The following MARCHF8 variants were observed in gnomAD, a reference collection of about 807,000 sequenced individuals.
MARCHF8 encodes membrane associated ring-CH-type finger 8.
Under a neutral mutation model 51.6 loss-of-function variants are expected in MARCHF8, and 40 were observed. The observed-to-expected ratio is 0.77, with a 90% CI of 0.60 to 1.01. The LOEUF is 1.01. Among genes scored for constraint, MARCHF8 ranks in the 50% least tolerant of loss-of-function variants. MARCHF8 has a pLI of 0.00. For missense variants in MARCHF8, 685 were observed against 708.6 expected (o/e 0.97, Z 0.38); for synonymous variants, 263 against 280.3 (o/e 0.94, Z 0.62).
At chr10:45,531,118 AAAAGTGCAGC>A (rs2043876575) in intron 2 of MARCHF8, among the ~76,000 whole-genome samples, 2 of 152,206 alleles carry the variant, frequency 1.3e-5, no homozygotes, top group African/African-American at 2.4e-5. Context: ...TTAAAAAATT[AAAAGTGCAGC>A]AGTGGACAAC....
intron 1 of MARCHF8, among the ~76,000 whole-genome samples, chr10:45,565,646 G>A (rs1225368201): frequency 7.3e-5 from 11 of 151,464 alleles, no homozygotes; most frequent in African/African-American, 2.4e-4. Flanking sequence ...AAAAAGAGTA[G>A]CAGGAAAAAA....
intron 1 of MARCHF8, among the ~76,000 whole-genome samples, chr10:45,569,173 CA>C (rs2133385993): frequency 6.7e-6 from 1 of 150,244 alleles, no homozygotes; most frequent in South Asian, 2.1e-4. Flanking sequence ...ATGGATTGAA[CA>C]AACCTGCCTT....
chr10:45,497,527 AAAC>A (rs1434761515), intron 2 of MARCHF8, among the ~76,000 whole-genome samples: 1 of 152,190 alleles, frequency 6.6e-6, no homozygotes, highest in Admixed American at 6.5e-5. Context: ...TCCACAAAAC[AAAC>A]ATCAGTAAAT....
chr10:45,527,401 A>T (rs1053746212), intron 2 of MARCHF8, among the ~76,000 whole-genome samples: 16 of 152,308 alleles, frequency 1.1e-4, no homozygotes, highest in Middle Eastern at 3.4e-3. Flanking sequence ...AGAAAATTCA[A>T]ATAAGCACAA....
At chr10:45,484,673 T>C (rs2042949130) in intron 3 of MARCHF8, among the ~76,000 whole-genome samples, 1 of 152,180 alleles carries the variant, frequency 6.6e-6, no homozygotes, top group Admixed American at 6.5e-5. Flanking sequence ...CAAGGGTAAG[T>C]GCCTCTAAAG....
intron 6 of MARCHF8, chr10:45,459,814 T>A: frequency 1.0e-6 from 1 of 985,470 alleles, no homozygotes; most frequent in Non-Finnish European, 1.2e-6. Flanking sequence ...CAGACTCTGC[T>A]AGTCCCATCT....
chr10:45,465,942 C>T (rs963063950), intron 3 of MARCHF8, among the ~76,000 whole-genome samples: 6 of 152,240 alleles, frequency 3.9e-5, no homozygotes, highest in African/African-American at 1.4e-4. Flanking sequence ...CCCATCACTA[C>T]CTTTGTCAAT....
chr10:45,578,262 C>A (rs2044512091), intron 1 of MARCHF8, among the ~76,000 whole-genome samples: 1 of 152,078 alleles, frequency 6.6e-6, no homozygotes, highest in Non-Finnish European at 1.5e-5. Flanking sequence ...GAGCCCAGAT[C>A]ATCTTGTTGC....
At chr10:45,526,170 C>A (rs532879076) in intron 2 of MARCHF8, among the ~76,000 whole-genome samples, 29 of 152,132 alleles carry the variant, frequency 1.9e-4, no homozygotes, top group African/African-American at 6.7e-4. Context: ...ATGGAAAGCT[C>A]CAAAACGGCG....
At chr10:45,498,990 C>G (rs1297983284) in intron 2 of MARCHF8, among the ~76,000 whole-genome samples, 1 of 152,168 alleles carries the variant, frequency 6.6e-6, no homozygotes, top group African/African-American at 2.4e-5. Context: ...CTGGGTCATA[C>G]AGTAATAATT....
intron 3 of MARCHF8, among the ~76,000 whole-genome samples, chr10:45,481,832 G>T (rs2042892680): frequency 6.6e-6 from 1 of 152,282 alleles, no homozygotes; most frequent in Admixed American, 6.5e-5. Flanking sequence ...GAGCAATCAG[G>T]CAAGAGAAAG....
chr10:45,568,256 C>T (rs568308759), intron 1 of MARCHF8, among the ~76,000 whole-genome samples: 1 of 152,290 alleles, frequency 6.6e-6, no homozygotes, highest in South Asian at 2.1e-4. Context: ...TCTGGATACC[C>T]TTTATATCCT....
intron 3 of MARCHF8, among the ~76,000 whole-genome samples, chr10:45,484,658 G>A (rs35356752): frequency 0.057 from 8,646 of 152,168 alleles, 301 homozygotes; most frequent in Non-Finnish European, 0.068. Context: ...CTAAGGGGAG[G>A]GTGTCAAGGG....
At chr10:45,522,788 C>T (rs770602868) in intron 2 of MARCHF8, among the ~76,000 whole-genome samples, 21 of 152,060 alleles carry the variant, frequency 1.4e-4, no homozygotes, top group Non-Finnish European at 2.5e-4. Flanking sequence ...CACACAAATT[C>T]GGCATTAGGA....
chr10:45,544,381 G>C (rs2044094830), intron 1 of MARCHF8, among the ~76,000 whole-genome samples: 1 of 152,166 alleles, frequency 6.6e-6, no homozygotes, highest in Admixed American at 6.5e-5. Flanking sequence ...ATTCATCCAA[G>C]AGATATGAAA....
At position 45,578,345 on chromosome 10, in the gene MARCHF8, AC is replaced by A. The variant is rs2044513119; in HGVS notation, c.-79+15889del. Among the ~76,000 whole-genome samples the A allele has an allele frequency of 2.0e-5, 3 of 152,252 alleles. No individual in the cohort carries two copies. In the South Asian group the frequency reaches 6.2e-4, roughly 31 times the overall value. On this transcript the variant is annotated intron_variant, in intron 1 of 6. Transcript: ENST00000319836. Reference sequence around the variant, plus strand: ...CACAGAAGCCAGTTTGAAAGAGTTTACACAGACCAAATTTGGGATGATTTTA... The same window carrying A: ...CACAGAAGCCAGTTTGAAAGAGTTTAACAGACCAAATTTGGGATGATTTTA...
At chr10:45,578,593 A>G (rs2044516252) in intron 1 of MARCHF8, among the ~76,000 whole-genome samples, 1 of 152,206 alleles carries the variant, frequency 6.6e-6, no homozygotes, top group African/African-American at 2.4e-5. Context: ...GATGAGGAAC[A>G]GGATATTAAC....
At chr10:45,532,022 T>C (rs1262223415) in intron 2 of MARCHF8, among the ~76,000 whole-genome samples, 1 of 152,130 alleles carries the variant, frequency 6.6e-6, no homozygotes, top group Non-Finnish European at 1.5e-5. Flanking sequence ...CCCTGCAAGT[T>C]CCTGGTTCAA....
At chr10:45,574,968 CAA>C (rs34058982) in intron 1 of MARCHF8, among the ~76,000 whole-genome samples, 23 of 136,392 alleles carry the variant, frequency 1.7e-4, no homozygotes, top group Admixed American at 6.0e-4. Context: ...GTTATATAGG[CAA>C]AAAAAAAAAA....
Sources: allele counts gnomAD v4.1 joint callset (sites outside exome capture counted in the v4.1 genomes callset), GRCh38; gene constraint gnomAD v4.1.1; transcripts MANE v1.5; gene names NCBI Gene and HGNC (gene_info 2026-07-23, HGNC 2026-07-21).